ANKRD17: variants seen among roughly 807,000 people sequenced by gnomAD.
The protein encoded by ANKRD17 is ankyrin repeat domain-containing protein 17.
In ANKRD17, 19 loss-of-function variants were observed where a neutral mutation model predicts 229.7. The ratio of observed to expected loss-of-function variants is 0.08; its 90% CI spans 0.06 to 0.12. The LOEUF is 0.12. ANKRD17 is among the 10% of genes least tolerant of loss of function. The pLI is 1.00. For missense variants in ANKRD17, 2,176 were observed against 3,176.8 expected (o/e 0.68, Z 7.57); for synonymous variants, 1,112 against 1,146.1 (o/e 0.97, Z 0.60).
chr4:73,172,016 T>C (rs771047725), intron 2 of ANKRD17, among the ~76,000 whole-genome samples: 5 of 152,106 alleles, frequency 3.3e-5, no homozygotes, highest in Non-Finnish European at 7.4e-5. Context: ...GGTAAAGGTA[T>C]AGTAACAGAG....
intron 14 of ANKRD17, among the ~76,000 whole-genome samples, 175 bp from the exon 15 acceptor site, chr4:73,140,458 A>G (rs1729455461): frequency 6.6e-6 from 1 of 152,196 alleles, no homozygotes; most frequent in Non-Finnish European, 1.5e-5. Flanking sequence ...CAAATATAAA[A>G]TGTATGTATT....
intron 1 of ANKRD17, among the ~76,000 whole-genome samples, chr4:73,248,026 A>G (rs1744658669): frequency 6.6e-6 from 1 of 152,006 alleles, no homozygotes; most frequent in African/African-American, 2.4e-5. Flanking sequence ...TATATTTAAA[A>G]TCTTAAGAAT....
chr4:73,158,192 G>GAGAA (rs1732022002), intron 3 of ANKRD17, among the ~76,000 whole-genome samples: 1 of 45,628 alleles, frequency 2.2e-5, no homozygotes, highest in African/African-American at 6.7e-5. Flanking sequence ...AAGAAAGAGA[G>GAGAA]AGAAAGAAAG....
intron 20 of ANKRD17, among the ~76,000 whole-genome samples, 188 bp from the exon 21 acceptor site, chr4:73,120,525 A>C (rs976647233): frequency 4.5e-4 from 67 of 149,678 alleles, no homozygotes; most frequent in African/African-American, 1.6e-3. Flanking sequence ...AATTCTACCT[A>C]ATCTCAACGG....
At chr4:73,226,997 G>C (rs957478531) in intron 1 of ANKRD17, among the ~76,000 whole-genome samples, 4 of 152,156 alleles carry the variant, frequency 2.6e-5, no homozygotes, top group Non-Finnish European at 5.9e-5. Context: ...TTGTTACATA[G>C]CAAAATAATG....
In ANKRD17 at chr4:73,189,036, T is replaced by C. The variant is rs113359078; in HGVS notation, c.394-11503A>G. The stretch of plus-strand genomic sequence containing the variant: ...CGTCAATGACAGATAAATCTAACCC[T>C]TCAAAACGGCACCTAAACCCAAATG... On this transcript the variant is annotated intron_variant, in intron 1 of 33. Transcript: ENST00000358602. 1.9e-3 allele frequency among the ~76,000 whole-genome samples: 287 copies of C among 152,262 alleles called. 1 individual carries two copies. The highest frequency in any genetic ancestry group is 6.6e-3 in the African/African-American group (275 of 41,550).
chr4:73,239,311 A>G (rs375094983), intron 1 of ANKRD17, among the ~76,000 whole-genome samples: 17 of 152,314 alleles, frequency 1.1e-4, no homozygotes, highest in African/African-American at 3.4e-4. Flanking sequence ...CCTCTGGAAT[A>G]TATCTTACCA....
chr4:73,179,732 C>T (rs1022843923), intron 1 of ANKRD17, among the ~76,000 whole-genome samples: 10 of 150,616 alleles, frequency 6.6e-5, no homozygotes, highest in Admixed American at 5.3e-4. Flanking sequence ...TCCCAAAGGA[C>T]GGGATTATAG....
chr4:73,237,236 C>T (rs1028160987), intron 1 of ANKRD17, among the ~76,000 whole-genome samples: 1 of 152,158 alleles, frequency 6.6e-6, no homozygotes, highest in African/African-American at 2.4e-5. Flanking sequence ...CAAAGCTGTT[C>T]TTCTGGGATC....
At chr4:73,103,711 A>C (rs1389964956) in intron 24 of ANKRD17, among the ~76,000 whole-genome samples, 2 of 152,242 alleles carry the variant, frequency 1.3e-5, no homozygotes, top group Non-Finnish European at 1.5e-5. Context: ...ACCAGTCCTC[A>C]TAAATTCATA....
chr4:73,206,337 C>T (rs975304667), intron 1 of ANKRD17, among the ~76,000 whole-genome samples: 22 of 150,352 alleles, frequency 1.5e-4, no homozygotes, highest in East Asian at 3.9e-4. Context: ...CGGAATAAAC[C>T]GGAGTATCCA....
intron 29 of ANKRD17, among the ~76,000 whole-genome samples, chr4:73,085,654 G>C (rs1233663646): frequency 2.0e-5 from 3 of 149,068 alleles, no homozygotes; most frequent in Admixed American, 6.7e-5. Flanking sequence ...TTCAAGACTG[G>C]TCTGGGCAAC....
At chr4:73,243,147 A>G (rs1402806509) in intron 1 of ANKRD17, among the ~76,000 whole-genome samples, 10 of 152,222 alleles carry the variant, frequency 6.6e-5, no homozygotes, top group Admixed American at 6.5e-4. Context: ...CAGTGCTACT[A>G]GACGACAGTC....
chr4:73,100,628 A>C (rs140391370), intron 25 of ANKRD17, among the ~76,000 whole-genome samples: 1 of 152,226 alleles, frequency 6.6e-6, no homozygotes, highest in African/African-American at 2.4e-5. Flanking sequence ...GGAGATACAT[A>C]ATCAAGTATC....
intron 1 of ANKRD17, among the ~76,000 whole-genome samples, chr4:73,202,241 G>T (rs956872911): frequency 7.3e-6 from 1 of 137,358 alleles, no homozygotes; most frequent in East Asian, 2.3e-4. Context: ...GAAAAGAAAC[G>T]ATGAAGTCAG....
Position 73,094,186 on chromosome 4 carries a change from C to A in ANKRD17, c.5220G>T (p.Val1740=). Residue 1740 remains valine, a synonymous_variant, in exon 28 of 34, where the codon GTG becomes GTT. Transcript: ENST00000358602. ...TGATATTACAGCCTCCTCTTCCAATCACTCTGGATATCACAGTTGATGGAA... is the reference window on the plus strand; with the variant it reads ...TGATATTACAGCCTCCTCTTCCAATAACTCTGGATATCACAGTTGATGGAA... The part of the protein sequence containing the change: ...VSVPSTVISR[V]IGRGGCNINA... 1 of 1,613,740 alleles carries A rather than the reference C, an allele frequency of 6.2e-7. No homozygotes were observed. The highest frequency in any genetic ancestry group is 8.5e-7 in the Non-Finnish European group (1 of 1,179,778).
At position 73,140,290 on chromosome 4, in the gene ANKRD17, G is replaced by A. The variant is rs747875644; in HGVS notation, c.2333-7C>T. 1.3e-6 allele frequency: 2 copies of A among 1,572,840 alleles called. No individual in the cohort carries two copies. The highest frequency in any genetic ancestry group is 2.2e-5 in the East Asian group (1 of 44,706). ...GACTTTTGTTTAGAAGCAGCTGTGT[G>A]AAAAAGAAACCCCCTCAGAAGTGCA... On this transcript the variant is annotated splice_polypyrimidine_tract_variant and splice_region_variant and intron_variant, in intron 14 of 33. Coordinates refer to ENST00000358602, the MANE Select transcript of ANKRD17 (RefSeq NM_032217.5).
At chr4:73,165,064 T>C (rs1385953096) in intron 2 of ANKRD17, among the ~76,000 whole-genome samples, 1 of 152,034 alleles carries the variant, frequency 6.6e-6, no homozygotes, top group East Asian at 1.9e-4. Flanking sequence ...ATGGTAAAAC[T>C]AGGAAAAATC....
chr4:73,204,415 A>G lies in ANKRD17; in HGVS notation c.394-26882T>C, dbSNP rs1033167713. ...GAAAAGAAAAACAATCTTTCTTTCA[A>G]CAAAGTTTTCAATATGCAGTAAAAA... On this transcript the variant is annotated intron_variant, in intron 1 of 33. Coordinates refer to ENST00000358602, the MANE Select transcript of ANKRD17 (RefSeq NM_032217.5). Among the ~76,000 whole-genome samples the G allele has an allele frequency of 1.0e-3, 156 of 151,828 alleles. 1 individual carries two copies. The highest frequency in any genetic ancestry group is 1.5e-3 in the Non-Finnish European group (105 of 67,972).
Sources: gnomAD v4.1 joint callset for allele counts (sites outside exome capture counted in the v4.1 genomes callset) on GRCh38, gnomAD v4.1.1 for gene constraint, MANE v1.5 for transcripts, NCBI Gene and HGNC (gene_info 2026-07-23, HGNC 2026-07-21) for gene names.